PDE1A: variants seen among roughly 807,000 people sequenced by gnomAD.
The protein encoded by PDE1A is phosphodiesterase 1A.
In PDE1A, 35 loss-of-function variants were observed where a neutral mutation model predicts 61.7. The observed-to-expected ratio is 0.57, with a 90% CI of 0.43 to 0.75. The LOEUF is 0.75. Among genes scored for constraint, PDE1A ranks in the 30% least tolerant of loss-of-function variants. PDE1A has a pLI of 0.00. For synonymous variants in PDE1A, 232 were observed against 213.2 expected, an observed-to-expected ratio of 1.09 and a Z score of -0.77; for missense variants, 597 against 630.6, an observed-to-expected ratio of 0.95 and a Z score of 0.57.
At chr2:182,659,961 C>A in the PDE1A span, among the ~76,000 whole-genome samples, 7 of 152,190 alleles carry the variant, frequency 4.6e-5, no homozygotes, top group South Asian at 1.0e-3. Flanking sequence ...TAAAATTATA[C>A]CAGAAATTAT....
At chr2:182,464,487 C>T (rs1394163795) in intron 2 of PDE1A, among the ~76,000 whole-genome samples, 1 of 152,020 alleles carries the variant, frequency 6.6e-6, no homozygotes, top group Non-Finnish European at 1.5e-5. Flanking sequence ...GGAGTTTTGG[C>T]CACCCTATCT....
At chr2:182,247,506 C>T (rs1037811448) in intron 2 of PDE1A, among the ~76,000 whole-genome samples, 6 of 152,152 alleles carry the variant, frequency 3.9e-5, no homozygotes, top group African/African-American at 1.4e-4. Context: ...AGACATATTT[C>T]TCCCTACTCC....
At chr2:182,144,291 A>G (rs1690380878), downstream of PDE1A, among the ~76,000 whole-genome samples, 2 of 152,248 alleles carry the variant, frequency 1.3e-5, no homozygotes, top group South Asian at 4.1e-4. Context: ...CTTTCAAGAA[A>G]GATAATGTGA....
intron 2 of PDE1A, among the ~76,000 whole-genome samples, chr2:182,513,134 A>G (rs571209808): frequency 1.3e-5 from 2 of 152,272 alleles, no homozygotes; most frequent in South Asian, 2.1e-4. Flanking sequence ...GACCATCCCT[A>G]AGACACATGG....
At chr2:182,570,236 G>A in the PDE1A span, among the ~76,000 whole-genome samples, 15 of 152,302 alleles carry the variant, frequency 9.8e-5, no homozygotes, top group African/African-American at 3.6e-4. Flanking sequence ...GAGAAGGGAA[G>A]TAGAGAGTAT....
At chr2:182,558,920 C>G in the PDE1A span, among the ~76,000 whole-genome samples, 1 of 152,172 alleles carries the variant, frequency 6.6e-6, no homozygotes, top group Admixed American at 6.5e-5. Context: ...CTCCAAAAGG[C>G]TGTTGAGGAA....
the PDE1A span, among the ~76,000 whole-genome samples, chr2:182,613,865 A>G: frequency 6.6e-6 from 1 of 152,194 alleles, no homozygotes; most frequent in Non-Finnish European, 1.5e-5. Context: ...CATCTTTTCA[A>G]TACAGTGCAA....
At chr2:182,457,712 A>G (rs2125748792) in intron 2 of PDE1A, among the ~76,000 whole-genome samples, 1 of 149,606 alleles carries the variant, frequency 6.7e-6, no homozygotes, top group African/African-American at 2.4e-5. Context: ...ACAGACAAGC[A>G]GTACTTAGCA....
At chr2:182,226,835 G>A (rs1161800036) in intron 6 of PDE1A, among the ~76,000 whole-genome samples, 2 of 139,316 alleles carry the variant, frequency 1.4e-5, no homozygotes, top group Admixed American at 6.8e-5. Context: ...ACTCTAGAGC[G>A]GGCAGTCATC....
chr2:182,268,609 A>G (rs1692798823), intron 1 of PDE1A, among the ~76,000 whole-genome samples: 1 of 152,060 alleles, frequency 6.6e-6, no homozygotes, highest in Admixed American at 6.6e-5. Context: ...TTTTATGCAC[A>G]CCCTAATTTC....
At chr2:182,691,350 G>T in the PDE1A span, among the ~76,000 whole-genome samples, 1 of 152,110 alleles carries the variant, frequency 6.6e-6, no homozygotes, top group Non-Finnish European at 1.5e-5. Flanking sequence ...CAATGGAACA[G>T]AACAAAGCCC....
chr2:182,307,898 C>T (rs759354383), intron 1 of PDE1A, among the ~76,000 whole-genome samples: 12 of 152,120 alleles, frequency 7.9e-5, no homozygotes, highest in Middle Eastern at 6.8e-3. Flanking sequence ...TGAAAGATGA[C>T]AAGTTGTTGG....
chr2:182,631,072 G>A, the PDE1A span, among the ~76,000 whole-genome samples: 1 of 152,036 alleles, frequency 6.6e-6, no homozygotes, highest in Non-Finnish European at 1.5e-5. Context: ...CACAATTGTG[G>A]AAGCTGAGAA....
chr2:182,565,719 T>G, the PDE1A span, among the ~76,000 whole-genome samples: 1 of 152,182 alleles, frequency 6.6e-6, no homozygotes, highest in African/African-American at 2.4e-5. Flanking sequence ...ATGCTATTTA[T>G]TAGAGTCAAG....
intron 2 of PDE1A, 139 bp downstream of exon 2, chr2:182,264,162 T>G: frequency 1.8e-6 from 1 of 558,212 alleles, no homozygotes; most frequent in Non-Finnish European, 3.2e-6. Flanking sequence ...AGAAGAACAT[T>G]TCAAATTTTA....
chr2:182,547,343 C>CA, the PDE1A span, among the ~76,000 whole-genome samples: 2 of 152,210 alleles, frequency 1.3e-5, no homozygotes, highest in Middle Eastern at 3.4e-3. Context: ...TCTACCCCCA[C>CA]AAAAAAGAGA....
intron 2 of PDE1A, among the ~76,000 whole-genome samples, chr2:182,253,423 G>T (rs962247230): frequency 1.3e-5 from 2 of 152,086 alleles, no homozygotes; most frequent in African/African-American, 4.8e-5. Context: ...TTTAGTATTA[G>T]GTTTAGCTTT....
At chr2:182,669,323 CTTAA>C in the PDE1A span, among the ~76,000 whole-genome samples, 124 of 152,244 alleles carry the variant, frequency 8.1e-4, no homozygotes, top group Non-Finnish European at 9.6e-4. Context: ...TCAGGTGTTG[CTTAA>C]TTAAAGTGAT....
chr2:182,482,843 T>A (rs1687788824), intron 2 of PDE1A, among the ~76,000 whole-genome samples: 1 of 151,870 alleles, frequency 6.6e-6, no homozygotes, highest in South Asian at 2.1e-4. Context: ...ACATGACAGA[T>A]TCCAACCATG....
Sources: gnomAD v4.1 joint callset for allele counts (sites outside exome capture counted in the v4.1 genomes callset) on GRCh38, gnomAD v4.1.1 for gene constraint, MANE v1.5 for transcripts, NCBI Gene and HGNC (gene_info 2026-07-23, HGNC 2026-07-21) for gene names.